VSTM2A: variants seen among roughly 807,000 people sequenced by gnomAD.
VSTM2A encodes V-set and transmembrane domain containing 2A.
Under a neutral mutation model 27.3 loss-of-function variants are expected in VSTM2A, and 13 were observed. The observed-to-expected ratio is 0.48, with a 90% CI of 0.31 to 0.76. The LOEUF (loss-of-function observed/expected upper bound fraction) is 0.76. Ranked by LOEUF, VSTM2A falls within the 30% of genes least tolerant of loss-of-function variation. VSTM2A has a pLI of 0.05. For synonymous variants in VSTM2A, 142 were observed against 125.7 expected (o/e 1.13, Z -0.87); for missense variants, 280 against 310.0 (o/e 0.90, Z 0.73).
Position 54,543,616 on chromosome 7 carries a change from G to C in VSTM2A, c.79+807G>C, listed in dbSNP as rs983207482. Among the ~76,000 whole-genome samples the C allele has an allele frequency of 4.6e-5, 7 of 152,072 alleles. No individual in the cohort carries two copies. The South Asian group carries it at 8.3e-4, about 18-fold the overall frequency. On this transcript the variant is annotated intron_variant, in intron 1 of 4. Coordinates refer to ENST00000402613, the MANE Select transcript of VSTM2A (RefSeq NM_001301009.2). ...TTAAACCGGGGGTGAGGTGAGGGGT[G>C]GGGGGAGGAGTGCATCCACCCCAAA...
intron 4 of VSTM2A, chr7:54,553,773 G>T (rs370087436): frequency 3.3e-6 from 5 of 1,503,088 alleles, no homozygotes; most frequent in Admixed American, 4.1e-5. Context: ...GTCCCTCTTC[G>T]CAGAGAACAC....
chr7:54,564,156 CAG>C (rs1788649892), intron 4 of VSTM2A, among the ~76,000 whole-genome samples: 1 of 152,190 alleles, frequency 6.6e-6, no homozygotes, highest in African/African-American at 2.4e-5. Context: ...TCTTCACAGA[CAG>C]AGAAGTATTT....
intron 4 of VSTM2A, among the ~76,000 whole-genome samples, chr7:54,560,760 G>A (rs1299363806): frequency 6.6e-6 from 1 of 152,118 alleles, no homozygotes. Flanking sequence ...ATATGAAGCT[G>A]TAGAGAAAAT....
intron 4 of VSTM2A, among the ~76,000 whole-genome samples, chr7:54,567,451 C>T (rs1422922745): frequency 6.6e-6 from 1 of 152,126 alleles, no homozygotes; most frequent in Non-Finnish European, 1.5e-5. Context: ...GGAAATGCTG[C>T]ATCAAAATGA....
intron 4 of VSTM2A, chr7:54,550,596 G>A (rs147536355): frequency 1.5e-4 from 33 of 215,792 alleles, no homozygotes; most frequent in African/African-American, 7.4e-4. Flanking sequence ...CATTTTCAGC[G>A]ACCCATAGCT....
intron 2 of VSTM2A, among the ~76,000 whole-genome samples, chr7:54,545,846 AAG>A (rs1207912519): frequency 4.2e-5 from 5 of 120,026 alleles, no homozygotes; most frequent in African/African-American, 1.6e-4. Flanking sequence ...AGGGGGAAGG[AAG>A]AGAGGGAGAA....
intron 2 of VSTM2A, 168 bp from the exon 3 acceptor site, chr7:54,546,779 G>T (rs1453986319): frequency 3.0e-6 from 2 of 673,794 alleles, no homozygotes; most frequent in Non-Finnish European, 4.8e-6. Flanking sequence ...GGGACAGCGT[G>T]GGGGCGGTGC....
Position 54,569,229 on chromosome 7 carries a change from C to G in VSTM2A, c.*10C>G. On this transcript the variant is annotated 3_prime_UTR_variant, in exon 5 of 5. Transcript: ENST00000402613. ...ACCCACTGTACTCTAATTCACTACA[C>G]AAGGAGCGCCTGCTTCCGGAAGCAT... 1.3e-6 allele frequency: 2 copies of G among 1,551,620 alleles called. No individual in the cohort carries two copies. Among genetic ancestry groups the G allele is most frequent in the Non-Finnish European group, 1.7e-6 (2 of 1,146,932 alleles).
At chr7:54,566,132 A>G (rs974875610) in intron 4 of VSTM2A, among the ~76,000 whole-genome samples, 4 of 152,224 alleles carry the variant, frequency 2.6e-5, no homozygotes, top group Non-Finnish European at 4.4e-5. Context: ...GAAAGGCATC[A>G]TGATTAAATA....
intron 2 of VSTM2A, 36 bp downstream of exon 2, chr7:54,544,824 C>T (rs1401239480): frequency 6.4e-7 from 1 of 1,559,294 alleles, no homozygotes; most frequent in South Asian, 1.2e-5. Context: ...CTCCCCTTCG[C>T]TCGCCCGGTC....
chr7:54,562,772 A>T (rs1417994755), intron 4 of VSTM2A, among the ~76,000 whole-genome samples: 1 of 152,214 alleles, frequency 6.6e-6, no homozygotes, highest in Non-Finnish European at 1.5e-5. Flanking sequence ...CCTTAGTCAA[A>T]TTTAGCACCA....
At chr7:54,549,107 A>G (rs1395494275) in intron 3 of VSTM2A, among the ~76,000 whole-genome samples, 1 of 151,862 alleles carries the variant, frequency 6.6e-6, no homozygotes, top group East Asian at 1.9e-4. Flanking sequence ...TTATTAGAAG[A>G]AATAAATAAG....
rs965258987 is a variant in VSTM2A at position 54,550,049 on chromosome 7, G to A, written c.513G>A (p.Lys171=). Residue 171 remains lysine (K), a synonymous_variant, in exon 4 of 5, where the codon AAG becomes AAA. Transcript: ENST00000402613. ...CGCCCATGTGGCTGCAGGATATGAA[G>A]CCCCGCAAGAACGTCTCCGCAGCCA... The part of the protein sequence containing the change: ...EASPMWLQDM[K]PRKNVSAAIP... The A allele has an allele frequency of 4.3e-6, 7 of 1,609,834 alleles. No homozygotes were observed. Among genetic ancestry groups the A allele is most frequent in the Non-Finnish European group, 1.7e-6 (2 of 1,178,136 alleles).
At chr7:54,569,009 G>A (rs749130574) in intron 4 of VSTM2A, 122 bp from the exon 5 acceptor site, 1 of 1,597,108 alleles carries the variant, frequency 6.3e-7, no homozygotes. Flanking sequence ...TCTTCCGCAG[G>A]TGCGAGGATA....
intron 4 of VSTM2A, chr7:54,557,369 T>A (rs1788401149): frequency 6.6e-6 from 1 of 151,828 alleles, no homozygotes; most frequent in Admixed American, 6.6e-5. Context: ...TTGCTCTGTC[T>A]GTCACCCAGG....
intron 4 of VSTM2A, among the ~76,000 whole-genome samples, chr7:54,552,950 T>C (rs904362644): frequency 6.6e-6 from 1 of 152,222 alleles, no homozygotes; most frequent in Non-Finnish European, 1.5e-5. Context: ...CACCTCTTAA[T>C]TGATACTATT....
intron 4 of VSTM2A, 51 bp downstream of exon 4, chr7:54,550,221 C>T (rs1412276729): frequency 7.7e-6 from 12 of 1,554,296 alleles, no homozygotes; most frequent in Non-Finnish European, 1.0e-5. Context: ...AAACGCTCCA[C>T]AGAAAGGTCA....
chr7:54,551,416 T>C (rs1481078839), intron 4 of VSTM2A: 1 of 151,342 alleles, frequency 6.6e-6, no homozygotes, highest in Non-Finnish European at 1.5e-5. Context: ...TGCCTTATAA[T>C]GTAGATGAGC....
At chr7:54,565,922 C>G (rs1788706525) in intron 4 of VSTM2A, among the ~76,000 whole-genome samples, 1 of 152,100 alleles carries the variant, frequency 6.6e-6, no homozygotes, top group African/African-American at 2.4e-5. Context: ...TCTGGGGAGG[C>G]AAGGCCCACA....
Sources: gnomAD v4.1 joint callset for allele counts (sites outside exome capture counted in the v4.1 genomes callset) on GRCh38, gnomAD v4.1.1 for gene constraint, MANE v1.5 for transcripts, NCBI Gene and HGNC (gene_info 2026-07-23, HGNC 2026-07-21) for gene names.